MTRF1: variants seen among roughly 807,000 people sequenced by gnomAD.
MTRF1 encodes the protein peptide chain release factor 1, mitochondrial.
A neutral mutation model predicts 62.9 loss-of-function variants in MTRF1; 51 were observed. That is an observed-to-expected ratio of 0.81 (90% CI 0.65 to 1.02). The LOEUF (loss-of-function observed/expected upper bound fraction) is 1.02, where lower values mean the gene tolerates loss of function less well. Among genes scored for constraint, MTRF1 ranks in the 50% least tolerant of loss-of-function variants. The probability of loss-of-function intolerance (pLI) is 0.00; values close to 1 mark genes in which losing one functional copy is unlikely to be tolerated. For synonymous variants in MTRF1, 158 were observed against 181.9 expected (o/e 0.87, Z 1.06); for missense variants, 446 against 530.0 (o/e 0.84, Z 1.56).
chr13:41,311,268 C>A, the MTRF1 span: 2 of 550,788 alleles, frequency 3.6e-6, no homozygotes. Context: ...TGCCATCTTG[C>A]AGTGCGCGGG....
chr13:41,269,347 G>A, the MTRF1 span, among the ~76,000 whole-genome samples: 23 of 151,500 alleles, frequency 1.5e-4, no homozygotes, highest in African/African-American at 5.6e-4. Context: ...TTACAGGTGT[G>A]CGCCACCACA....
At chr13:41,254,483 T>G in intron 3 of MTRF1, 46 bp downstream of exon 3, 15 of 1,400,080 alleles carry the variant, frequency 1.1e-5, no homozygotes, top group Non-Finnish European at 1.5e-5. Context: ...AAAACAGCAT[T>G]CCTTTATACA....
At chr13:41,275,772 C>T in the MTRF1 span, among the ~76,000 whole-genome samples, 53 of 152,246 alleles carry the variant, frequency 3.5e-4, no homozygotes, top group African/African-American at 1.2e-3. Context: ...GGATTACAGG[C>T]GTGAACCACT....
At chr13:41,227,330 C>T (rs1226774398) in intron 7 of MTRF1, among the ~76,000 whole-genome samples, 3 of 151,670 alleles carry the variant, frequency 2.0e-5, no homozygotes, top group Admixed American at 2.0e-4. Flanking sequence ...AGAAAAAAGC[C>T]AATGAAAAGA....
At chr13:41,263,720 A>T (rs1393136588), upstream of MTRF1, 1 of 153,568 alleles carries the variant, frequency 6.5e-6, no homozygotes, top group Non-Finnish European at 1.5e-5. Context: ...AAAAATGACA[A>T]AACGAGAATG....
chr13:41,255,681 G>A (rs887267827), intron 2 of MTRF1, among the ~76,000 whole-genome samples: 3 of 152,150 alleles, frequency 2.0e-5, no homozygotes, highest in Non-Finnish European at 4.4e-5. Context: ...GACAGAGAAA[G>A]ACTCTGTCTT....
chr13:41,273,274 C>G, the MTRF1 span, among the ~76,000 whole-genome samples: 23 of 150,760 alleles, frequency 1.5e-4, no homozygotes, highest in East Asian at 5.9e-4. Context: ...TGCAGTGAGC[C>G]GAGATCGCGC....
Position 41,233,920 on chromosome 13 carries a change from T to C in MTRF1, c.958A>G (p.Ser320Gly), listed in dbSNP as rs1251858846. ...AGGQHVNKTD[S>G]AVRLVHIPTG... ...GGGATGTGGACAAGTCTGACGGCAC[T>C]ATCAGTTTTATTAACATGCTGCCCT... Residue 320 changes from serine (S) to glycine (G), a missense_variant, in exon 7 of 10, where the codon AGT becomes GGT. Ser to Gly is a moderately conservative substitution (Grantham distance 56, BLOSUM62 0). Coordinates refer to ENST00000379480, the MANE Select transcript of MTRF1 (RefSeq NM_004294.4). 3 of 1,614,126 alleles carry C rather than the reference T, an allele frequency of 1.9e-6. No homozygotes were observed. The South Asian group carries it at 3.3e-5, about 18-fold the overall frequency.
At chr13:41,288,089 T>C in the MTRF1 span, 1 of 461,664 alleles carries the variant, frequency 2.2e-6, no homozygotes, top group Admixed American at 2.3e-5. Flanking sequence ...ATATTAAAAA[T>C]ATGTCTGTTT....
At chr13:41,266,828 TA>T (rs1242505583), upstream of MTRF1, among the ~76,000 whole-genome samples, 1 of 151,542 alleles carries the variant, frequency 6.6e-6, no homozygotes, top group African/African-American at 2.4e-5. Context: ...CCATCTCTTC[TA>T]AAAAAATACA....
chr13:41,293,368 A>G, the MTRF1 span, among the ~76,000 whole-genome samples: 1 of 152,184 alleles, frequency 6.6e-6, no homozygotes, highest in Non-Finnish European at 1.5e-5. Context: ...TTATTGGTAA[A>G]ACAAAAATAG....
intron 3 of MTRF1, among the ~76,000 whole-genome samples, chr13:41,253,360 A>G (rs2039321815): frequency 1.3e-5 from 2 of 152,252 alleles, no homozygotes; most frequent in Non-Finnish European, 1.5e-5. Flanking sequence ...AGTTCTGAAC[A>G]GTAGCTTCTT....
chr13:41,240,118 G>A (rs1366980765), intron 6 of MTRF1, 143 bp downstream of exon 6: 6 of 703,474 alleles, frequency 8.5e-6, no homozygotes, highest in African/African-American at 1.8e-5. Context: ...AGCAGAGATC[G>A]CGCCACTGTA....
chr13:41,232,176 T>G (rs185303746), intron 7 of MTRF1, among the ~76,000 whole-genome samples: 165 of 151,864 alleles, frequency 1.1e-3, no homozygotes, highest in African/African-American at 3.7e-3. Flanking sequence ...AAACTAAAAT[T>G]AATATCCTTC....
Position 41,217,095 on chromosome 13 carries a change from A to G in MTRF1, c.*20T>C. The G allele has an allele frequency of 7.1e-7, 1 of 1,406,422 alleles. No homozygotes were observed. Among genetic ancestry groups the G allele is most frequent in the South Asian group, 1.3e-5 (1 of 78,290 alleles). The allele number at this position is 1,406,422 out of a possible 1,614,324, so 87.1% of individuals were successfully genotyped here. ...AGGTCCATTTCATTTATATAATCAT[A>G]AATAATAATAAGTTAGTATTTATTT... On this transcript the variant is annotated 3_prime_UTR_variant, in exon 10 of 10. Transcript: ENST00000379480.
chr13:41,257,112 T>A (rs1274303601), intron 2 of MTRF1, among the ~76,000 whole-genome samples: 1 of 152,032 alleles, frequency 6.6e-6, no homozygotes, highest in Non-Finnish European at 1.5e-5. Context: ...GATACAGACA[T>A]GGGACAGCAC....
intron 9 of MTRF1, among the ~76,000 whole-genome samples, chr13:41,218,841 G>A (rs753676876): frequency 1.3e-5 from 2 of 152,084 alleles, no homozygotes; most frequent in African/African-American, 4.8e-5. Context: ...TCAAATTAAG[G>A]TAAAGGATAT....
chr13:41,302,137 C>T, the MTRF1 span, among the ~76,000 whole-genome samples: 1 of 152,204 alleles, frequency 6.6e-6, no homozygotes, highest in South Asian at 2.1e-4. Context: ...AGCGATTCTC[C>T]TGCCTCAGAC....
chr13:41,281,926 G>T, the MTRF1 span, among the ~76,000 whole-genome samples: 1 of 152,074 alleles, frequency 6.6e-6, no homozygotes, highest in African/African-American at 2.4e-5. Context: ...CACGAGGTCA[G>T]GAGATCGAGA....
Sources: allele counts gnomAD v4.1 joint callset (sites outside exome capture counted in the v4.1 genomes callset), GRCh38; gene constraint gnomAD v4.1.1; transcripts MANE v1.5; gene names NCBI Gene and HGNC (gene_info 2026-07-23, HGNC 2026-07-21).